The following KCP variants were observed in gnomAD, a reference collection of about 807,000 sequenced individuals.
KCP encodes the protein kielin cysteine rich BMP regulator.
In KCP, 194 loss-of-function variants were observed where a neutral mutation model predicts 212.7. The observed-to-expected ratio is 0.91, with a 90% CI of 0.81 to 1.03. The LOEUF (loss-of-function observed/expected upper bound fraction) is 1.03. KCP is among the 50% of genes least tolerant of loss of function. The pLI is 0.00. For synonymous variants in KCP, 833 were observed against 865.3 expected (o/e 0.96, Z 0.65); for missense variants, 2,080 against 2,162.5 (o/e 0.96, Z 0.76).
In KCP at chr7:128,879,780, G is replaced by A. The variant is rs1029377518; in HGVS notation, c.3982C>T (p.Gln1328Ter). The A allele has an allele frequency of 1.9e-6, 3 of 1,550,572 alleles. No individual in the cohort carries two copies. Among genetic ancestry groups the A allele is most frequent in the African/African-American group, 2.7e-5 (2 of 73,052 alleles). ...DRGRSGVAWTQEVAVLLGDMA... is the reference protein window; with the variant it reads ...DRGRSGVAWT ...TCTCCCAGCAGCACCGCCACCTCCT[G>A]GGTCCAGGCCACACCGCTCCGGCCC... Residue 1328 changes from glutamine to a stop codon, truncating the protein, a stop_gained, in exon 36 of 40, where the codon CAG becomes TAG. Coordinates refer to ENST00000610776, the MANE Select transcript of KCP (RefSeq NM_001366122.1). LOFTEE classifies it high-confidence loss of function.
In KCP at chr7:128,887,392, C is replaced by T. The variant is rs1004624837; in HGVS notation, c.2513-92G>A. On this transcript the variant is annotated intron_variant, in intron 22 of 39. Coordinates refer to ENST00000610776, the MANE Select transcript of KCP (RefSeq NM_001366122.1). ...CAGCCCCTCCCCCTCCACACATACA[C>T]AGCCACAGCCACAGACACACACATA... The T allele has an allele frequency of 3.3e-6, 3 of 912,406 alleles. No individual in the cohort carries two copies. In the African/African-American group the frequency reaches 4.9e-5, roughly 15 times the overall value. 56.5% of individuals were successfully genotyped at this position (912,406 alleles called of 1,614,324 possible).
chr7:128,892,430 T>C, intron 16 of KCP, 84 bp downstream of exon 16: 2 of 1,010,558 alleles, frequency 2.0e-6, no homozygotes, highest in Non-Finnish European at 2.9e-6. Flanking sequence ...CATTGCTTTC[T>C]AAGGTACCTG....
At chr7:128,890,089 T>C in intron 21 of KCP, 1 of 567,594 alleles carries the variant, frequency 1.8e-6, no homozygotes, top group South Asian at 2.1e-5. Flanking sequence ...CAGCTGATTT[T>C]AAATTTTTTG....
intron 29 of KCP, among the ~76,000 whole-genome samples, chr7:128,882,486 T>C (rs1045694406): frequency 6.6e-6 from 1 of 152,146 alleles, no homozygotes; most frequent in Non-Finnish European, 1.5e-5. Context: ...AAAAAGAGAT[T>C]AATAATACTT....
intron 8 of KCP, among the ~76,000 whole-genome samples, chr7:128,901,203 G>T (rs760736888): frequency 6.6e-6 from 1 of 152,188 alleles, no homozygotes. Context: ...GGTCTAAAAA[G>T]GGGAGGCATG....
intron 5 of KCP, chr7:128,904,476 C>A: frequency 1.0e-6 from 1 of 961,430 alleles, no homozygotes. Flanking sequence ...CTGTTCCATC[C>A]CTCTCCTTTG....
At chr7:128,901,261 A>G (rs1480176872) in intron 8 of KCP, among the ~76,000 whole-genome samples, 1 of 152,208 alleles carries the variant, frequency 6.6e-6, no homozygotes, top group Non-Finnish European at 1.5e-5. Flanking sequence ...AACCATAAAA[A>G]TGGGCAACCA....
intron 5 of KCP, among the ~76,000 whole-genome samples, chr7:128,905,221 GA>G (rs1229845235): frequency 1.3e-5 from 2 of 152,098 alleles, no homozygotes; most frequent in African/African-American, 4.8e-5. Flanking sequence ...TTGAACTTCA[GA>G]AGAATAAGAC....
chr7:128,887,309 GC>G lies in KCP; in HGVS notation c.2513-10del. 6.5e-7 allele frequency: 1 copy of G among 1,549,856 alleles called. No individual in the cohort carries two copies. The highest frequency in any genetic ancestry group is 1.2e-5 in the South Asian group (1 of 84,018). ...GCCATGGTAGCGGCATCCTGGCAGA[GC>G]GGGGAGTCCAACAGAAGAGCTGCCA... On this transcript the variant is annotated splice_polypyrimidine_tract_variant and intron_variant, in intron 22 of 39. Coordinates refer to ENST00000610776, the MANE Select transcript of KCP (RefSeq NM_001366122.1).
rs1298190259 is a variant in KCP, at chr7:128,890,413, G to C, written c.2265C>G (p.Cys755Trp). Residue 755 changes from cysteine (C) to tryptophan (W), a missense_variant, in exon 21 of 40, where the codon TGC (cysteine) becomes TGG (tryptophan). Cys to Trp is a radical substitution (Grantham distance 215, BLOSUM62 -2). Transcript: ENST00000610776. ...GTGCAGGGGCACATGCCTTGGGCTCGCAGCTCACGCTGCCCTCCCAGCAAA... is the reference window on the plus strand; with the variant it reads ...GTGCAGGGGCACATGCCTTGGGCTCCCAGCTCACGCTGCCCTCCCAGCAAA... ...LCLCWEGSVS[C>W]EPKACAPALC... The C allele has an allele frequency of 1.3e-6, 2 of 1,551,206 alleles. No homozygotes were observed. Among genetic ancestry groups the C allele is most frequent in the Non-Finnish European group, 1.7e-6 (2 of 1,147,002 alleles).
At chr7:128,880,817 C>A in intron 32 of KCP, 96 bp from the exon 33 acceptor site, 1 of 403,320 alleles carries the variant, frequency 2.5e-6, no homozygotes, top group South Asian at 1.2e-4. Context: ...TCTGCCTGCC[C>A]CTCCCACAAT....
chr7:128,879,667 A>G (rs1213547511), intron 36 of KCP, 44 bp from the exon 37 acceptor site: 2 of 1,548,154 alleles, frequency 1.3e-6, no homozygotes, highest in Admixed American at 2.0e-5. Context: ...GTCGAGGCAC[A>G]TGGGTGGACA....
At position 128,892,857 on chromosome 7, in the gene KCP, C is replaced by A. The variant is rs1192073218; in HGVS notation, c.1420+12G>T. ...GCAGGGGAAGAAAGCCAGGATCAGC[C>A]CAGGCACTCACCAGGGGGCTGGGTG... is the stretch of plus-strand genomic sequence containing the variant. On this transcript the variant is annotated intron_variant, in intron 14 of 39. Transcript: ENST00000610776. The A allele has an allele frequency of 6.4e-7, 1 of 1,551,166 alleles. No homozygotes were observed.
intron 4 of KCP, among the ~76,000 whole-genome samples, chr7:128,906,644 G>GGGAGGAA (rs1225509208): frequency 1.3e-5 from 2 of 152,262 alleles, no homozygotes; most frequent in Admixed American, 6.5e-5. Flanking sequence ...GACTTTCTCA[G>GGGAGGAA]GGAGGAAGGA....
intron 39 of KCP, 32 bp from the exon 40 acceptor site, chr7:128,877,343 G>C (rs1356202587): frequency 6.6e-7 from 1 of 1,526,436 alleles, no homozygotes; most frequent in Non-Finnish European, 8.8e-7. Flanking sequence ...GGGTTACCAA[G>C]GCACCTGAAA....
At chr7:128,883,171 C>T (rs553644975) in intron 29 of KCP, among the ~76,000 whole-genome samples, 2 of 149,298 alleles carry the variant, frequency 1.3e-5, no homozygotes, top group South Asian at 2.1e-4. Context: ...GACAGAATCT[C>T]GCTCTGTTGC....
Position 128,891,055 on chromosome 7 carries a change from G to A in KCP, c.2014C>T (p.His672Tyr). 7.2e-7 allele frequency: 1 copy of A among 1,394,782 alleles called. No individual in the cohort carries two copies. The highest frequency in any genetic ancestry group is 9.2e-7 in the Non-Finnish European group (1 of 1,081,618). The allele number at this position is 1,394,782 out of a possible 1,614,324, so 86.4% of individuals were successfully genotyped here. ...PAGCPRPGAA[H>Y]ARHQEYFSPP... ...GAGAAGTACTCCTGGTGGCGGGCGTGGGCCGCGCCGGGCCGTGGGCAGCCG... is the reference window on the plus strand; with the variant it reads ...GAGAAGTACTCCTGGTGGCGGGCGTAGGCCGCGCCGGGCCGTGGGCAGCCG... The change falls in exon 20 of 40, where the codon CAC (histidine) becomes TAC (tyrosine). Residue 672 changes from histidine to tyrosine, a missense_variant. By Grantham distance (83) the His-to-Tyr change is moderately conservative (BLOSUM62 2). Transcript: ENST00000610776.
Position 128,877,750 on chromosome 7 carries a change from C to A in KCP, c.4352G>T (p.Gly1451Val), listed in dbSNP as rs1021426580. ...GLWPGRPCSAGREVDPCRAAG... is the reference protein window; with the variant it reads ...GLWPGRPCSAVREVDPCRAAG... ...TGCCCGGCACGGATCCACCTCTCGG[C>A]CTGCAGAACAGGGCCGGCCAGGCCA... is the stretch of plus-strand genomic sequence containing the variant. The change falls in exon 39 of 40, where the codon GGC becomes GTC. Residue 1451 changes from glycine to valine, a missense_variant. Transcript: ENST00000610776. 5.2e-6 allele frequency: 8 copies of A among 1,550,626 alleles called. No homozygotes were observed. The highest frequency in any genetic ancestry group is 1.2e-5 in the South Asian group (1 of 84,042).
At chr7:128,887,367 C>G (rs1302390870) in intron 22 of KCP, 67 bp from the exon 23 acceptor site, 3 of 1,162,700 alleles carry the variant, frequency 2.6e-6, no homozygotes, top group African/African-American at 3.1e-5. Flanking sequence ...CACACACACA[C>G]AGCCCCTCCC....
Sources: gnomAD v4.1 joint callset for allele counts (sites outside exome capture counted in the v4.1 genomes callset) on GRCh38, gnomAD v4.1.1 for gene constraint, MANE v1.5 for transcripts, NCBI Gene and HGNC (gene_info 2026-07-23, HGNC 2026-07-21) for gene names.